DAB1: variants seen among roughly 807,000 people sequenced by gnomAD.
DAB1 encodes DAB adaptor protein 1, also known as disabled homolog 1.
DAB1 carries 15 observed loss-of-function variants against 64.6 expected under a neutral mutation model. That is an observed-to-expected ratio of 0.23 (90% CI 0.16 to 0.36). The LOEUF is 0.36. DAB1 is among the 10% of genes least tolerant of loss of function. The pLI is 1.00. For synonymous variants in DAB1, 235 were observed against 251.9 expected (o/e 0.93, Z 0.64); for missense variants, 596 against 706.7 (o/e 0.84, Z 1.78).
intron 5 of DAB1, among the ~76,000 whole-genome samples, chr1:58,088,289 G>C (rs1236736735): frequency 1.3e-5 from 2 of 152,160 alleles, no homozygotes; most frequent in African/African-American, 4.8e-5. Flanking sequence ...AGTATATTTT[G>C]AAAGACACTG....
intron 6 of DAB1, among the ~76,000 whole-genome samples, chr1:57,690,085 T>C (rs1646745857): frequency 6.6e-6 from 1 of 152,154 alleles, no homozygotes; most frequent in Non-Finnish European, 1.5e-5. Flanking sequence ...AATGACAGGA[T>C]CTCACTCTTT....
At chr1:57,961,035 C>CT (rs2100271873) in intron 5 of DAB1, among the ~76,000 whole-genome samples, 1 of 152,282 alleles carries the variant, frequency 6.6e-6, no homozygotes, top group Non-Finnish European at 1.5e-5. Flanking sequence ...TCTGAGTCTT[C>CT]TTTTTTCATT....
intron 6 of DAB1, among the ~76,000 whole-genome samples, chr1:57,776,973 A>C (rs1221551929): frequency 6.6e-6 from 1 of 151,656 alleles, no homozygotes; most frequent in Admixed American, 6.6e-5. Context: ...ATTTCATTTA[A>C]TGCTACTTGT....
At chr1:58,155,688 A>T (rs1655185414) in intron 4 of DAB1, among the ~76,000 whole-genome samples, 1 of 152,258 alleles carries the variant, frequency 6.6e-6, no homozygotes, top group Non-Finnish European at 1.5e-5. Flanking sequence ...CTATCAGAGC[A>T]AGCAATGACA....
chr1:57,403,021 T>G (rs1683369538), intron 1 of DAB1, among the ~76,000 whole-genome samples: 1 of 152,224 alleles, frequency 6.6e-6, no homozygotes. Flanking sequence ...ATTATTCAAC[T>G]GTTATAAACC....
intron 1 of DAB1, among the ~76,000 whole-genome samples, chr1:57,830,988 A>G (rs1652557996): frequency 6.6e-6 from 1 of 152,130 alleles, no homozygotes; most frequent in Non-Finnish European, 1.5e-5. Flanking sequence ...ATCTCGGCTC[A>G]CTGCAAGCTC....
chr1:58,419,255 T>G (rs1185498861), intron 3 of DAB1, among the ~76,000 whole-genome samples: 1 of 152,152 alleles, frequency 6.6e-6, no homozygotes, highest in Non-Finnish European at 1.5e-5. Context: ...TTCTGCAACT[T>G]AAGAAGTATG....
chr1:58,536,271 TGA>T (rs1212139586), intron 1 of DAB1, among the ~76,000 whole-genome samples: 1 of 152,008 alleles, frequency 6.6e-6, no homozygotes, highest in African/African-American at 2.4e-5. Context: ...AAGGTTTTCC[TGA>T]GAAAAGTGAC....
At chr1:58,104,035 T>A (rs1651489424) in intron 5 of DAB1, among the ~76,000 whole-genome samples, 1 of 152,202 alleles carries the variant, frequency 6.6e-6, no homozygotes, top group South Asian at 2.1e-4. Context: ...AGAAGTCTTT[T>A]TCTAGAAGAT....
intron 1 of DAB1, chr1:57,386,748 GTGT>G (rs1005395446): frequency 2.7e-5 from 4 of 149,610 alleles, no homozygotes; most frequent in African/African-American, 1.0e-4. Flanking sequence ...GCGTGTGTGT[GTGT>G]GTGTGTGTGT....
chr1:57,833,771 G>T (rs1015833134), intron 1 of DAB1, among the ~76,000 whole-genome samples: 6 of 152,072 alleles, frequency 3.9e-5, no homozygotes, highest in African/African-American at 1.4e-4. Context: ...ACATCATTTG[G>T]CATGGATGAC....
At chr1:58,015,574 T>C (rs1385321739) in intron 5 of DAB1, among the ~76,000 whole-genome samples, 2 of 152,172 alleles carry the variant, frequency 1.3e-5, no homozygotes, top group African/African-American at 4.8e-5. Context: ...GCTTCTGTTG[T>C]TTTCTCCATG....
intron 6 of DAB1, among the ~76,000 whole-genome samples, chr1:57,683,321 A>C (rs545260990): frequency 7.5e-4 from 114 of 152,246 alleles, no homozygotes; most frequent in African/African-American, 2.4e-3. Context: ...AAGAAACATG[A>C]GTGCAGTGTC....
At chr1:58,030,143 G>A (rs1646950127) in intron 5 of DAB1, among the ~76,000 whole-genome samples, 1 of 152,100 alleles carries the variant, frequency 6.6e-6, no homozygotes, top group South Asian at 2.1e-4. Context: ...GGAGGCAGAG[G>A]TTGCAGTGAG....
At chr1:57,927,224 C>T (rs1366552669) in intron 5 of DAB1, among the ~76,000 whole-genome samples, 1 of 152,168 alleles carries the variant, frequency 6.6e-6, no homozygotes, top group African/African-American at 2.4e-5. Flanking sequence ...AAAGAAGGCA[C>T]CTATCTGCAA....
At chr1:57,140,643 A>G (rs1042655310) in intron 3 of DAB1, among the ~76,000 whole-genome samples, 5 of 152,214 alleles carry the variant, frequency 3.3e-5, no homozygotes, top group African/African-American at 4.8e-5. Context: ...TTCTCACCTC[A>G]TAAGAGTGTT....
intron 4 of DAB1, among the ~76,000 whole-genome samples, chr1:58,242,447 A>G (rs561159187): frequency 6.6e-6 from 1 of 152,240 alleles, no homozygotes; most frequent in African/African-American, 2.4e-5. Context: ...AATATGTATA[A>G]TTATATCCAT....
rs1389595402 is a variant in DAB1, at chr1:57,984,232, GAAAGAAAGAAAGAAAGAAAGAAAGAA to G, written n.388-100096_388-100071del. Among the ~76,000 whole-genome samples, 11 of 146,442 alleles carry G rather than the reference GAAAGAAAGAAAGAAAGAAAGAAAGAA, an allele frequency of 7.5e-5. 1 individual carries two copies. The highest frequency in any genetic ancestry group is 2.8e-4 in the African/African-American group (11 of 39,218). ...AGAAAGAAAGAAAGAAAGAAAGAAA[GAAAGAAAGAAAGAAAGAAAGAAAGAA>G]AGAAAAAAAATTAAACAGCCAAACC... On this transcript the variant is annotated intron_variant and non_coding_transcript_variant, in intron 5 of 20. Coordinates refer to the DAB1 transcript ENST00000485760.
At chr1:58,162,392 CCTTT>C (rs1306302920) in intron 4 of DAB1, among the ~76,000 whole-genome samples, 7 of 152,212 alleles carry the variant, frequency 4.6e-5, no homozygotes, top group Non-Finnish European at 8.8e-5. Flanking sequence ...TCCCCACCTT[CCTTT>C]CTGCCTTTCT....
Sources: gnomAD v4.1 joint callset for allele counts (sites outside exome capture counted in the v4.1 genomes callset) on GRCh38, gnomAD v4.1.1 for gene constraint, MANE v1.5 for transcripts, NCBI Gene and HGNC (gene_info 2026-07-23, HGNC 2026-07-21) for gene names.